Variants in TMEM135 observed in about 807,000 individuals in gnomAD.
TMEM135 encodes peroxisomal membrane protein 52.
A neutral mutation model predicts 60.3 loss-of-function variants in TMEM135; 30 were observed. The observed-to-expected ratio is 0.50, with a 90% CI of 0.37 to 0.68. The LOEUF is 0.68. Ranked by LOEUF, TMEM135 falls within the 30% of genes least tolerant of loss-of-function variation. The pLI is 0.00. For synonymous variants in TMEM135, 190 were observed against 186.7 expected, an observed-to-expected ratio of 1.02 and a Z score of -0.14; for missense variants, 468 against 548.8, an observed-to-expected ratio of 0.85 and a Z score of 1.47.
intron 5 of TMEM135, among the ~76,000 whole-genome samples, chr11:87,202,007 T>TATGTTATGTTATGTTATGTTATGTA (rs1555117415): frequency 1.6e-5 from 1 of 63,596 alleles, no homozygotes; most frequent in Non-Finnish European, 3.2e-5. Context: ...TATGTTATGT[T>TATGTTATGTTATGTTATGTTATGTA]ATGTAATGTT....
chr11:87,154,284 T>A (rs1048771687), intron 4 of TMEM135, among the ~76,000 whole-genome samples: 2 of 152,312 alleles, frequency 1.3e-5, no homozygotes, highest in African/African-American at 2.4e-5. Context: ...TCAGTGCTCA[T>A]CCATGTTGTA....
chr11:87,053,829 T>G (rs1196156020), intron 1 of TMEM135, among the ~76,000 whole-genome samples: 2 of 152,182 alleles, frequency 1.3e-5, no homozygotes, highest in Non-Finnish European at 2.9e-5. Context: ...AACTTTTAAA[T>G]TGCCTTTTAA....
chr11:87,222,809 AAAAG>A (rs758653846), intron 5 of TMEM135, among the ~76,000 whole-genome samples: 7 of 150,524 alleles, frequency 4.7e-5, no homozygotes, highest in East Asian at 3.9e-4. Context: ...GTCTCAAAAA[AAAAG>A]AAAGAAAGAA....
chr11:87,161,740 T>A (rs998359947), intron 5 of TMEM135, among the ~76,000 whole-genome samples: 1 of 152,198 alleles, frequency 6.6e-6, no homozygotes, highest in African/African-American at 2.4e-5. Flanking sequence ...ATTGTTTGAA[T>A]TTTTAAAATT....
At position 87,325,554 on chromosome 11, in the gene TMEM135, C is replaced by T. The variant is rs1942900026; in HGVS notation, c.*4221C>T. 2.2e-6 allele frequency: 1 copy of T among 453,830 alleles called. No individual in the cohort carries two copies. Among genetic ancestry groups the T allele is most frequent in the South Asian group, 1.6e-5 (1 of 64,464 alleles). The allele number at this position is 453,830 out of a possible 1,614,324, so 28.1% of individuals were successfully genotyped here. On this transcript the variant is annotated 3_prime_UTR_variant, in exon 15 of 15. Coordinates refer to ENST00000305494, the MANE Select transcript of TMEM135 (RefSeq NM_022918.4). ...TCTTGCTGCTCCCTCTCCCTGCCAC[C>T]TTGTCCATTCTCTGCTTGCTGGTGT...
At chr11:87,187,508 A>G (rs1330741830) in intron 5 of TMEM135, among the ~76,000 whole-genome samples, 2 of 152,144 alleles carry the variant, frequency 1.3e-5, no homozygotes, top group Non-Finnish European at 2.9e-5. Flanking sequence ...GCAGATCTTG[A>G]CCTTAACTGT....
At chr11:87,227,253 A>G (rs779028420) in intron 5 of TMEM135, among the ~76,000 whole-genome samples, 1 of 151,888 alleles carries the variant, frequency 6.6e-6, no homozygotes, top group African/African-American at 2.4e-5. Flanking sequence ...ATGCATTGAA[A>G]TGTTTCTTCT....
chr11:87,237,984 A>G (rs1302856550), intron 6 of TMEM135, among the ~76,000 whole-genome samples: 2 of 151,934 alleles, frequency 1.3e-5, no homozygotes, highest in East Asian at 1.9e-4. Flanking sequence ...TGTGTTGCAA[A>G]TGACAGGATC....
intron 4 of TMEM135, among the ~76,000 whole-genome samples, chr11:87,106,551 T>C (rs1174991258): frequency 6.6e-6 from 1 of 152,230 alleles, no homozygotes. Flanking sequence ...TTGGCTTTGG[T>C]ATCAGGGTAA....
chr11:87,312,652 C>T (rs1453309639), intron 10 of TMEM135, among the ~76,000 whole-genome samples: 1 of 151,828 alleles, frequency 6.6e-6, no homozygotes, highest in Non-Finnish European at 1.5e-5. Context: ...CTTTATCACA[C>T]TATAATTAGA....
At chr11:87,079,146 C>T (rs1045477659) in intron 3 of TMEM135, among the ~76,000 whole-genome samples, 1 of 152,108 alleles carries the variant, frequency 6.6e-6, no homozygotes, top group Admixed American at 6.6e-5. Context: ...GCTGGAACTA[C>T]AGGTGCATGC....
At chr11:87,055,038 A>C (rs1424484685) in intron 1 of TMEM135, among the ~76,000 whole-genome samples, 1 of 152,162 alleles carries the variant, frequency 6.6e-6, no homozygotes, top group African/African-American at 2.4e-5. Context: ...TTAACAATGA[A>C]GGGGGAAGGT....
At chr11:87,175,064 G>A (rs1010998446) in intron 5 of TMEM135, among the ~76,000 whole-genome samples, 2 of 152,124 alleles carry the variant, frequency 1.3e-5, no homozygotes, top group Non-Finnish European at 2.9e-5. Flanking sequence ...TAGAAGAAAT[G>A]TATCTTTTAA....
At chr11:87,183,858 A>G (rs1712531595) in intron 5 of TMEM135, among the ~76,000 whole-genome samples, 1 of 146,678 alleles carries the variant, frequency 6.8e-6, no homozygotes, top group African/African-American at 2.5e-5. Context: ...TGGGAGGCTG[A>G]GGCAGAAGAA....
chr11:87,272,682 G>C (rs1941893150), intron 6 of TMEM135, among the ~76,000 whole-genome samples: 1 of 151,960 alleles, frequency 6.6e-6, no homozygotes, highest in Admixed American at 6.6e-5. Flanking sequence ...GGCTGGTCTT[G>C]AACTCCTGGG....
At chr11:87,190,283 A>T (rs561651232) in intron 5 of TMEM135, among the ~76,000 whole-genome samples, 1 of 152,194 alleles carries the variant, frequency 6.6e-6, no homozygotes, top group South Asian at 2.1e-4. Context: ...GCTGTCTGTG[A>T]GGATTATTGT....
intron 5 of TMEM135, among the ~76,000 whole-genome samples, chr11:87,167,363 A>G (rs1046843638): frequency 2.6e-5 from 4 of 152,266 alleles, no homozygotes; most frequent in Non-Finnish European, 4.4e-5. Flanking sequence ...GTGGTGAGAG[A>G]GAGGGCATCT....
At chr11:87,062,369 C>G (rs1250475550) in intron 1 of TMEM135, among the ~76,000 whole-genome samples, 1 of 73,024 alleles carries the variant, frequency 1.4e-5, no homozygotes, top group African/African-American at 5.4e-5. Flanking sequence ...TTTCAAATTA[C>G]TTTTTGTGTA....
chr11:87,294,751 A>G (rs1942320692), intron 6 of TMEM135, among the ~76,000 whole-genome samples: 1 of 152,236 alleles, frequency 6.6e-6, no homozygotes, highest in South Asian at 2.1e-4. Flanking sequence ...TTGATAATAA[A>G]TACTCAAAGT....
Sources: gnomAD v4.1 joint callset for allele counts (sites outside exome capture counted in the v4.1 genomes callset) on GRCh38, gnomAD v4.1.1 for gene constraint, MANE v1.5 for transcripts, NCBI Gene and HGNC (gene_info 2026-07-23, HGNC 2026-07-21) for gene names.